Variants in C4orf17 observed in about 807,000 individuals in gnomAD.
The protein encoded by C4orf17 is uncharacterized protein C4orf17.
A neutral mutation model predicts 32.0 loss-of-function variants in C4orf17; 25 were observed. The observed-to-expected ratio is 0.78, with a 90% confidence interval of 0.57 to 1.09. The LOEUF is 1.09. Among genes scored for constraint, C4orf17 ranks in the 50% least tolerant of loss-of-function variants. The pLI is 0.00. For synonymous variants in C4orf17, 149 were observed against 145.8 expected, an observed-to-expected ratio of 1.02 and a Z score of -0.16; for missense variants, 420 against 420.0, an observed-to-expected ratio of 1.00 and a Z score of 0.00.
chr4:99,519,602 T>G (rs187969683), intron 2 of C4orf17, among the ~76,000 whole-genome samples: 64 of 152,260 alleles, frequency 4.2e-4, no homozygotes, highest in African/African-American at 1.4e-3. Flanking sequence ...AATTGTAGAG[T>G]TACTGACAGA....
intron 1 of C4orf17, among the ~76,000 whole-genome samples, chr4:99,511,956 T>C (rs1372904540): frequency 6.6e-6 from 1 of 152,166 alleles, no homozygotes. Context: ...GAAAACCAGA[T>C]ATTCTGTGGC....
At chr4:99,512,797 G>A (rs1010361901) in intron 1 of C4orf17, among the ~76,000 whole-genome samples, 192 bp from the exon 2 acceptor site, 1 of 151,740 alleles carries the variant, frequency 6.6e-6, no homozygotes, top group African/African-American at 2.4e-5. Flanking sequence ...TTTTCCCCTG[G>A]GTAAATGTTT....
At chr4:99,522,234 G>A (rs1446531646) in intron 2 of C4orf17, among the ~76,000 whole-genome samples, 8 of 152,064 alleles carry the variant, frequency 5.3e-5, no homozygotes, top group African/African-American at 1.4e-4. Context: ...GACCAACATC[G>A]ACGATGTGGT....
intron 7 of C4orf17, 34 bp downstream of exon 7, chr4:99,539,404 C>G: frequency 6.6e-7 from 1 of 1,518,136 alleles, no homozygotes; most frequent in South Asian, 1.1e-5. Context: ...AGAGGGAGGG[C>G]CTATGGCACA....
At chr4:99,530,146 T>C (rs1203319340) in intron 5 of C4orf17, among the ~76,000 whole-genome samples, 188 bp downstream of exon 5, 3 of 152,140 alleles carry the variant, frequency 2.0e-5, no homozygotes, top group Non-Finnish European at 2.9e-5. Flanking sequence ...CCTTGGAATC[T>C]TGCCACTGTC....
At chr4:99,539,079 C>G in intron 6 of C4orf17, 84 bp from the exon 7 acceptor site, 1 of 1,227,802 alleles carries the variant, frequency 8.1e-7, no homozygotes, top group South Asian at 1.3e-5. Context: ...CTTTCATACT[C>G]AGGAGCTGGA....
chr4:99,532,718 A>C (rs2110172266), intron 5 of C4orf17, among the ~76,000 whole-genome samples: 2 of 152,300 alleles, frequency 1.3e-5, no homozygotes, highest in African/African-American at 4.8e-5. Flanking sequence ...GAGTGGACCA[A>C]ACACATCCAT....
In C4orf17 at chr4:99,539,355, G is replaced by A. The variant is rs755955744; in HGVS notation, c.821G>A (p.Gly274Glu). Reference sequence around the variant, plus strand: ...AAAGTGCTGACCAGAGATACAGAAGGGGATCAACCAACCAGGTAATTAGAT... The same window carrying A: ...AAAGTGCTGACCAGAGATACAGAAGAGGATCAACCAACCAGGTAATTAGAT... Reference protein sequence around the residue: ...KSKVLTRDTEGDQPTRVSSQG... With the variant: ...KSKVLTRDTEEDQPTRVSSQG... Residue 274 changes from glycine (G) to glutamate (E), a missense_variant, in exon 7 of 9, where the codon GGG becomes GAG. Physicochemically the swap from Gly to Glu is moderately conservative, Grantham distance 98. Coordinates refer to ENST00000326581, the MANE Select transcript of C4orf17 (RefSeq NM_032149.3). The A allele has an allele frequency of 6.2e-7, 1 of 1,613,948 alleles. No homozygotes were observed. Among genetic ancestry groups the A allele is most frequent in the Non-Finnish European group, 8.5e-7 (1 of 1,179,846 alleles).
intron 5 of C4orf17, among the ~76,000 whole-genome samples, chr4:99,531,820 A>G (rs1351142124): frequency 6.6e-6 from 1 of 151,196 alleles, no homozygotes; most frequent in Non-Finnish European, 1.5e-5. Flanking sequence ...AATACTGCTC[A>G]TCTTGGAGGC....
chr4:99,535,544 C>A (rs1215747281), intron 5 of C4orf17, among the ~76,000 whole-genome samples: 1 of 152,144 alleles, frequency 6.6e-6, no homozygotes, highest in African/African-American at 2.4e-5. Flanking sequence ...TGAATACTTA[C>A]AATTACATTG....
intron 1 of C4orf17, 89 bp from the exon 2 acceptor site, chr4:99,512,900 A>C (rs776839679): frequency 1.9e-5 from 12 of 626,070 alleles, no homozygotes; most frequent in Non-Finnish European, 3.2e-5. Context: ...GAAACAATTT[A>C]GTTCAAGCAA....
chr4:99,521,683 C>T (rs10005769), intron 2 of C4orf17, among the ~76,000 whole-genome samples: 10,867 of 152,184 alleles, frequency 0.071, 745 homozygotes, highest in African/African-American at 0.18. Context: ...GTAGAAAACA[C>T]TATCCAGAAG....
rs768226123 is a variant in C4orf17, at chr4:99,529,804, TTTTGA to T, written c.403-7_403-3del. 3.1e-6 allele frequency: 5 copies of T among 1,598,960 alleles called. No homozygotes were observed. The highest frequency in any genetic ancestry group is 4.3e-6 in the Non-Finnish European group (5 of 1,173,634). Reference sequence around the variant, plus strand: ...CAAATGTATATTGGTTATATTATACTTTTGATTTAGGAAGAAATTAAGGCCAAAAG... The same window carrying T: ...CAAATGTATATTGGTTATATTATACTTTTAGGAAGAAATTAAGGCCAAAAG... On this transcript the variant is annotated splice_region_variant and splice_polypyrimidine_tract_variant and intron_variant, in intron 4 of 8. Transcript: ENST00000326581.
At chr4:99,513,885 G>A (rs1268467942) in intron 2 of C4orf17, among the ~76,000 whole-genome samples, 1 of 152,126 alleles carries the variant, frequency 6.6e-6, no homozygotes, top group Admixed American at 6.6e-5. Context: ...AAAGAGAAAA[G>A]GGTTCTGATG....
At chr4:99,538,484 A>G (rs773632878) in intron 6 of C4orf17, among the ~76,000 whole-genome samples, 1 of 152,218 alleles carries the variant, frequency 6.6e-6, no homozygotes, top group Non-Finnish European at 1.5e-5. Context: ...GAGGAAGTCT[A>G]ATGTTTTAAA....
rs530543155 is a variant in C4orf17, at chr4:99,538,171, G to A, written c.628+421G>A. On this transcript the variant is annotated intron_variant, in intron 6 of 8. Transcript: ENST00000326581. ...GAGCTATCCAACCTGTAACAGCTCTGCCATTTGCCCAGCAAAACCATCAAC... is the reference window on the plus strand; with the variant it reads ...GAGCTATCCAACCTGTAACAGCTCTACCATTTGCCCAGCAAAACCATCAAC... Among the ~76,000 whole-genome samples, 5 of 152,308 alleles carry A rather than the reference G, an allele frequency of 3.3e-5. No individual in the cohort carries two copies. In the South Asian group the frequency reaches 8.3e-4, roughly 25 times the overall value.
chr4:99,533,923 A>G (rs1461976276), intron 5 of C4orf17, among the ~76,000 whole-genome samples: 1 of 152,206 alleles, frequency 6.6e-6, no homozygotes, highest in Non-Finnish European at 1.5e-5. Context: ...ATTTCAAGAC[A>G]TCAAGTTCAC....
At chr4:99,515,174 C>CTT (rs1245898973) in intron 2 of C4orf17, among the ~76,000 whole-genome samples, 11 of 151,992 alleles carry the variant, frequency 7.2e-5, no homozygotes, top group Non-Finnish European at 1.6e-4. Context: ...GATGGGTGCA[C>CTT]CAAAATTTCA....
chr4:99,536,511 C>A (rs1256241742), intron 5 of C4orf17, among the ~76,000 whole-genome samples: 1 of 152,184 alleles, frequency 6.6e-6, no homozygotes, highest in African/African-American at 2.4e-5. Context: ...TGATCTGGCA[C>A]AGCAGCTGTG....
Sources: allele counts gnomAD v4.1 joint callset (sites outside exome capture counted in the v4.1 genomes callset), GRCh38; gene constraint gnomAD v4.1.1; transcripts MANE v1.5; gene names NCBI Gene and HGNC (gene_info 2026-07-23, HGNC 2026-07-21).